BICC1: variants seen among roughly 807,000 people sequenced by gnomAD.
BICC1 encodes the protein protein bicaudal C homolog 1.
In BICC1, 43 loss-of-function variants were observed where a neutral mutation model predicts 111.0. That is an observed-to-expected ratio of 0.39 (90% CI 0.30 to 0.50). The LOEUF (loss-of-function observed/expected upper bound fraction) is 0.50. Among genes scored for constraint, BICC1 ranks in the 20% least tolerant of loss-of-function variants. The pLI is 0.88. For synonymous variants in BICC1, 467 were observed against 434.4 expected, an observed-to-expected ratio of 1.07 and a Z score of -0.93; for missense variants, 1,091 against 1,203.2, an observed-to-expected ratio of 0.91 and a Z score of 1.38.
At chr10:58,679,973 C>T (rs528889589) in intron 2 of BICC1, among the ~76,000 whole-genome samples, 151 of 152,164 alleles carry the variant, frequency 9.9e-4, no homozygotes, top group Non-Finnish European at 8.4e-4. Flanking sequence ...AAAAGGCCTT[C>T]GATAAAATTC....
At chr10:58,687,576 C>T (rs1839775723) in intron 2 of BICC1, among the ~76,000 whole-genome samples, 2 of 152,190 alleles carry the variant, frequency 1.3e-5, no homozygotes, top group African/African-American at 4.8e-5. Context: ...ATGGTAGACA[C>T]CCCTTCCCCA....
intron 3 of BICC1, among the ~76,000 whole-genome samples, chr10:58,755,293 G>C (rs909121571): frequency 2.0e-5 from 3 of 152,092 alleles, no homozygotes; most frequent in African/African-American, 7.2e-5. Flanking sequence ...TCTATTTCCT[G>C]CGCTATTGTT....
intron 17 of BICC1, among the ~76,000 whole-genome samples, chr10:58,808,967 G>A (rs1181754232): frequency 4.0e-5 from 6 of 151,792 alleles, no homozygotes; most frequent in African/African-American, 4.8e-5. Context: ...TGCCCACCTC[G>A]ACCTCCCAAA....
chr10:58,801,286 G>A (rs900632523), intron 14 of BICC1, among the ~76,000 whole-genome samples: 19 of 152,064 alleles, frequency 1.2e-4, no homozygotes, highest in East Asian at 5.8e-4. Flanking sequence ...CCTCTAAACC[G>A]TCTGTATTAC....
intron 2 of BICC1, among the ~76,000 whole-genome samples, chr10:58,675,738 A>AT (rs1460627526): frequency 6.6e-6 from 1 of 152,242 alleles, no homozygotes; most frequent in Non-Finnish European, 1.5e-5. Context: ...TCATTACAGA[A>AT]TGTAAACATA....
At chr10:58,812,092 C>G (rs1843925633) in intron 17 of BICC1, among the ~76,000 whole-genome samples, 1 of 152,162 alleles carries the variant, frequency 6.6e-6, no homozygotes, top group African/African-American at 2.4e-5. Flanking sequence ...AGTCTTGTTG[C>G]TTCATGGAAA....
chr10:58,815,159 C>T (rs1844049136), intron 18 of BICC1, among the ~76,000 whole-genome samples: 3 of 152,076 alleles, frequency 2.0e-5, no homozygotes, highest in South Asian at 4.1e-4. Flanking sequence ...TTGAAGACTC[C>T]TTGAAGCTAG....
rs60504203 is a variant in BICC1 at position 58,769,646 on chromosome 10, C to T, written c.308-15355C>T. Among the ~76,000 whole-genome samples the T allele has an allele frequency of 9.8e-3, 1,493 of 151,810 alleles. 21 individuals are homozygous for T. The highest frequency in any genetic ancestry group is 0.034 in the African/African-American group (1,415 of 41,456). ...ATTGTGCAGTCTGAACTACTATTGGCACAACTATATTTACATAAACAGTTC... is the reference window on the plus strand; with the variant it reads ...ATTGTGCAGTCTGAACTACTATTGGTACAACTATATTTACATAAACAGTTC... On this transcript the variant is annotated intron_variant, in intron 3 of 20. Coordinates refer to ENST00000373886, the MANE Select transcript of BICC1 (RefSeq NM_001080512.3).
chr10:58,578,389 G>C (rs183516606), intron 1 of BICC1, among the ~76,000 whole-genome samples: 1 of 151,762 alleles, frequency 6.6e-6, no homozygotes, highest in Non-Finnish European at 1.5e-5. Flanking sequence ...TTCCAACGTC[G>C]GGCCCACATT....
At chr10:58,703,996 A>G (rs2393474) in intron 3 of BICC1, among the ~76,000 whole-genome samples, 145,658 of 152,276 alleles carry the variant, frequency 0.96, 70,033 homozygotes, top group Middle Eastern at 1. Context: ...TTTTGTTCAA[A>G]ATGTGGTGGC....
At chr10:58,651,443 A>G (rs1324413717) in intron 2 of BICC1, among the ~76,000 whole-genome samples, 1 of 152,194 alleles carries the variant, frequency 6.6e-6, no homozygotes, top group Non-Finnish European at 1.5e-5. Flanking sequence ...CTTTTTAGCT[A>G]TGGACAATGT....
At chr10:58,693,044 T>C (rs1839959201) in intron 2 of BICC1, among the ~76,000 whole-genome samples, 1 of 152,122 alleles carries the variant, frequency 6.6e-6, no homozygotes, top group Admixed American at 6.5e-5. Flanking sequence ...CGAAGTGTGA[T>C]GTTCCCCTTC....
chr10:58,807,082 T>G lies in BICC1; in HGVS notation c.2300T>G (p.Met767Arg). ...TWSGLGFSKS[M>R]PAETIKELRR... Reference sequence around the variant, plus strand: ...AGTGGCCTGGGTTTTTCTAAATCCATGCCAGCTGAAACTATCAAGGAGTTG... The same window carrying G: ...AGTGGCCTGGGTTTTTCTAAATCCAGGCCAGCTGAAACTATCAAGGAGTTG... The change falls in exon 17 of 21, where the codon ATG becomes AGG. Residue 767 changes from methionine to arginine, a missense_variant. Met to Arg is a moderately conservative substitution (Grantham distance 91). Around this residue, in one of 3 missense-constraint regions of BICC1, gnomAD observed 231 missense variants for 256.2 expected, o/e 0.90. Transcript: ENST00000373886. 1 of 1,613,888 alleles carries G rather than the reference T, an allele frequency of 6.2e-7. No individual in the cohort carries two copies. Among genetic ancestry groups the G allele is most frequent in the Non-Finnish European group, 8.5e-7 (1 of 1,179,826 alleles).
intron 3 of BICC1, among the ~76,000 whole-genome samples, chr10:58,758,196 A>G (rs1385954254): frequency 6.6e-6 from 1 of 152,204 alleles, no homozygotes; most frequent in African/African-American, 2.4e-5. Context: ...TATTTCACAT[A>G]ACCAGTTCAT....
intron 1 of BICC1, among the ~76,000 whole-genome samples, chr10:58,611,846 G>A (rs10826205): frequency 0.33 from 50,663 of 151,608 alleles, 10,515 homozygotes; most frequent in Admixed American, 0.48. Context: ...TTTGACCATG[G>A]GAATTTAACT....
At chr10:58,533,396 G>T (rs1389421154) in intron 1 of BICC1, among the ~76,000 whole-genome samples, 1 of 151,882 alleles carries the variant, frequency 6.6e-6, no homozygotes, top group Admixed American at 6.6e-5. Context: ...CACTTTTTTA[G>T]TGATGTACTA....
chr10:58,637,721 C>T (rs1253955641), intron 2 of BICC1, among the ~76,000 whole-genome samples: 1 of 152,186 alleles, frequency 6.6e-6, no homozygotes, highest in Non-Finnish European at 1.5e-5. Flanking sequence ...ATGCAGGGCA[C>T]TGTGTTAGAG....
intron 16 of BICC1, 96 bp downstream of exon 16, chr10:58,806,719 A>T (rs1210091155): frequency 1.8e-6 from 2 of 1,122,330 alleles, no homozygotes; most frequent in Non-Finnish European, 2.6e-6. Context: ...TTGAAAACTC[A>T]GAAAAAGAAA....
intron 2 of BICC1, among the ~76,000 whole-genome samples, chr10:58,630,099 T>C (rs1231200190): frequency 6.6e-6 from 1 of 152,120 alleles, no homozygotes; most frequent in Non-Finnish European, 1.5e-5. Context: ...CTCTATACAG[T>C]GTACGTGACC....
Sources: allele counts gnomAD v4.1 joint callset (sites outside exome capture counted in the v4.1 genomes callset), GRCh38; gene constraint gnomAD v4.1.1; regional missense constraint gnomAD v4.1.1; transcripts MANE v1.5; gene names NCBI Gene and HGNC (gene_info 2026-07-23, HGNC 2026-07-21).